Variants in GNAO1 observed in about 807,000 individuals in gnomAD.
The protein encoded by GNAO1 is guanine nucleotide-binding protein G(o) subunit alpha.
For missense variants in GNAO1, 166 were observed against 478.7 expected (o/e 0.35, Z 6.10); for synonymous variants, 164 against 180.7 (o/e 0.91, Z 0.74).
chr16:56,210,789 T>G (rs1426164342), intron 2 of GNAO1, among the ~76,000 whole-genome samples: 2 of 152,280 alleles, frequency 1.3e-5, no homozygotes, highest in Non-Finnish European at 2.9e-5. Flanking sequence ...TGTTGAATTT[T>G]AAGAGTTCTT....
intron 2 of GNAO1, among the ~76,000 whole-genome samples, chr16:56,261,969 G>C (rs751448754): frequency 6.6e-6 from 1 of 152,234 alleles, no homozygotes; most frequent in Non-Finnish European, 1.5e-5. Context: ...TCACTGACTA[G>C]CCTAGGGGTA....
At chr16:56,307,778 ACT>A (rs1181332976) in intron 3 of GNAO1, 6 of 151,920 alleles carry the variant, frequency 3.9e-5, no homozygotes, top group African/African-American at 1.2e-4. Context: ...CCACTGTCTC[ACT>A]CTCTCTCAGC....
rs1370626695 is a variant in GNAO1, at chr16:56,192,038, T to C, written c.-198T>C. On this transcript the variant is annotated 5_prime_UTR_variant, in exon 1 of 9. Coordinates refer to ENST00000262493, the MANE Select transcript of GNAO1 (RefSeq NM_020988.3). ...AGACCCCTGCCAGCTGCCGCGAGTC[T>C]CCGCTGCTGGAATCTTGTTAGCGGC... 3 of 580,070 alleles carry C rather than the reference T, an allele frequency of 5.2e-6. No individual in the cohort carries two copies. Among genetic ancestry groups the C allele is most frequent in the African/African-American group, 1.9e-5 (1 of 53,256 alleles). The allele number at this position is 580,070 out of a possible 1,614,324, so 35.9% of individuals were successfully genotyped here. A position where few individuals can be genotyped will look rare whatever the true frequency, so the allele number is the denominator to read the frequency against.
In GNAO1 at chr16:56,284,957, C is replaced by T. The variant is rs550110840; in HGVS notation, c.303+8885C>T. Among the ~76,000 whole-genome samples the T allele has an allele frequency of 1.7e-4, 26 of 152,336 alleles. No homozygotes were observed. In the East Asian group the frequency reaches 4.6e-3, roughly 27 times the overall value. ...TGTGTTCCCACAGCGGTGGCTCAGCCTGGAGCAGGCACTCAGCCTCCAGGG... is the reference window on the plus strand; with the variant it reads ...TGTGTTCCCACAGCGGTGGCTCAGCTTGGAGCAGGCACTCAGCCTCCAGGG... On this transcript the variant is annotated intron_variant, in intron 3 of 8. Transcript: ENST00000262493.
At chr16:56,332,507 TATC>T (rs2037699494) in intron 4 of GNAO1, among the ~76,000 whole-genome samples, 1 of 152,150 alleles carries the variant, frequency 6.6e-6, no homozygotes, top group South Asian at 2.1e-4. Context: ...CCTCCTGACA[TATC>T]ATCTCTCTGA....
At chr16:56,210,281 C>A (rs2036374402) in intron 2 of GNAO1, among the ~76,000 whole-genome samples, 2 of 152,198 alleles carry the variant, frequency 1.3e-5, no homozygotes, top group Admixed American at 1.3e-4. Context: ...ATTCCACTGT[C>A]TGGATATACC....
intron 3 of GNAO1, among the ~76,000 whole-genome samples, chr16:56,294,299 G>T (rs2037262026): frequency 6.6e-6 from 1 of 151,502 alleles, no homozygotes. Flanking sequence ...CAGAATGTGG[G>T]GGCTGCTCTC....
At chr16:56,327,237 G>A (rs1222895335) in intron 3 of GNAO1, among the ~76,000 whole-genome samples, 5 of 152,064 alleles carry the variant, frequency 3.3e-5, no homozygotes, top group Admixed American at 6.6e-5. Context: ...GAGCCCGGGC[G>A]TATTCATGGC....
At chr16:56,319,746 C>A (rs1380310385) in intron 3 of GNAO1, among the ~76,000 whole-genome samples, 1 of 152,134 alleles carries the variant, frequency 6.6e-6, no homozygotes, top group African/African-American at 2.4e-5. Flanking sequence ...TCCTGCTCCC[C>A]AGCAACAGCC....
intron 3 of GNAO1, among the ~76,000 whole-genome samples, chr16:56,306,156 A>G (rs2143595457): frequency 6.6e-6 from 1 of 152,280 alleles, no homozygotes; most frequent in African/African-American, 2.4e-5. Context: ...GAAAGGAATG[A>G]TTCACAGGTG....
chr16:56,284,795 A>G (rs1310894498), intron 3 of GNAO1, among the ~76,000 whole-genome samples: 2 of 152,194 alleles, frequency 1.3e-5, no homozygotes, highest in Admixed American at 6.5e-5. Flanking sequence ...CTTCTGGGTC[A>G]AGTGCTGGCT....
chr16:56,257,257 G>T (rs1299529476), intron 2 of GNAO1, among the ~76,000 whole-genome samples: 1 of 152,056 alleles, frequency 6.6e-6, no homozygotes, highest in Non-Finnish European at 1.5e-5. Context: ...ATGTTGAGTC[G>T]GCAATCCATG....
At chr16:56,252,911 G>A (rs1449596898) in intron 2 of GNAO1, among the ~76,000 whole-genome samples, 1 of 152,200 alleles carries the variant, frequency 6.6e-6, no homozygotes, top group East Asian at 1.9e-4. Context: ...CTTGGTATGG[G>A]AAGTGCAAGT....
chr16:56,340,747 CT>C, intron 6 of GNAO1: 1 of 1,235,292 alleles, frequency 8.1e-7, no homozygotes, highest in South Asian at 1.3e-5. Context: ...TGGACCTTCC[CT>C]TTGCTTGTCC....
intron 2 of GNAO1, among the ~76,000 whole-genome samples, chr16:56,230,136 T>C: frequency 6.6e-6 from 1 of 150,928 alleles, no homozygotes; most frequent in East Asian, 1.9e-4. Context: ...AAAAAAAAAA[T>C]GTCAATGAAA....
At chr16:56,343,951 G>T in intron 6 of GNAO1, 1 of 1,612,914 alleles carries the variant, frequency 6.2e-7, no homozygotes. Flanking sequence ...ACTCTACTGA[G>T]CCCAGCCGCC....
At chr16:56,228,806 A>G (rs1217033524) in intron 2 of GNAO1, among the ~76,000 whole-genome samples, 2 of 152,172 alleles carry the variant, frequency 1.3e-5, no homozygotes, top group East Asian at 3.9e-4. Context: ...CCCTATGTAA[A>G]TTAGCATCCC....
chr16:56,294,039 A>G (rs770202409), intron 3 of GNAO1, among the ~76,000 whole-genome samples: 1 of 152,240 alleles, frequency 6.6e-6, no homozygotes, highest in Non-Finnish European at 1.5e-5. Context: ...AGACAGGGTT[A>G]TTACTATACT....
At chr16:56,319,282 G>T (rs151282788) in intron 3 of GNAO1, among the ~76,000 whole-genome samples, 168 of 152,234 alleles carry the variant, frequency 1.1e-3, no homozygotes, top group African/African-American at 3.3e-3. Flanking sequence ...TATCCTTTTC[G>T]CTCAGGTTCT....
Sources: gnomAD v4.1 joint callset for allele counts (sites outside exome capture counted in the v4.1 genomes callset) on GRCh38, gnomAD v4.1.1 for gene constraint, MANE v1.5 for transcripts, NCBI Gene and HGNC (gene_info 2026-07-23, HGNC 2026-07-21) for gene names.